Variants in SAP18 observed in about 807,000 individuals in gnomAD.
SAP18 encodes Sin3A associated protein 18.
SAP18 carries 4 observed loss-of-function variants against 18.6 expected under a neutral mutation model. The observed-to-expected ratio is 0.21, with a 90% CI of 0.11 to 0.49. The LOEUF (loss-of-function observed/expected upper bound fraction) is 0.49. SAP18 is among the 20% of genes least tolerant of loss of function. The probability of loss-of-function intolerance (pLI) is 0.98; values close to 1 mark genes in which losing one functional copy is unlikely to be tolerated. For missense variants in SAP18, 170 were observed against 226.4 expected, an observed-to-expected ratio of 0.75 and a Z score of 1.60; for synonymous variants, 112 against 82.8, an observed-to-expected ratio of 1.35 and a Z score of -1.92.
At chr13:21,146,603 C>A in intron 2 of SAP18, 1 of 372,736 alleles carries the variant, frequency 2.7e-6, no homozygotes, top group South Asian at 4.8e-5. Context: ...TTGAAATTTC[C>A]AGCAGTAAGG....
exon 1 of SAP18, chr13:21,140,548 T>G: frequency 6.3e-7 from 1 of 1,583,134 alleles, no homozygotes; most frequent in Non-Finnish European, 8.6e-7. Context: ...AGAGACTTAG[T>G]GCTCATGCTC....
chr13:21,140,933 C>T, exon 2 of SAP18: 3 of 1,614,026 alleles, frequency 1.9e-6, no homozygotes, highest in East Asian at 2.2e-5. Flanking sequence ...ACGGCCGCCA[C>T]CACCGAATGG....
rs751601385 is a variant in SAP18 at position 21,140,544 on chromosome 13, T to C, written c.-9T>C. On this transcript the variant is annotated 5_prime_UTR_variant, in exon 1 of 4. Coordinates refer to ENST00000621421, the Ensembl canonical transcript of SAP18. ...TGTCGAGCTTCTCCTCGCGAGAGAC[T>C]TAGTGCTCATGCTCGCTGCAGGGGT... 5 of 1,580,252 alleles carry C rather than the reference T, an allele frequency of 3.2e-6. No individual in the cohort carries two copies. In the Admixed American group the frequency reaches 9.2e-5, roughly 29 times the overall value.
At chr13:21,140,509 G>A (rs1869409139), upstream of SAP18, 1 of 1,541,696 alleles carries the variant, frequency 6.5e-7, no homozygotes, top group African/African-American at 1.4e-5. Context: ...GCCCCTGGCC[G>A]ACTATAAAGT....
intron 2 of SAP18, chr13:21,141,243 T>A (rs1196522462): frequency 1.6e-5 from 9 of 546,190 alleles, no homozygotes. Context: ...CCAAGATTGC[T>A]GTCACTGTTA....
intron 2 of SAP18, among the ~76,000 whole-genome samples, chr13:21,144,431 A>AAAAAG (rs1565986452): frequency 2.1e-4 from 28 of 130,618 alleles, no homozygotes; most frequent in Admixed American, 3.2e-4. Flanking sequence ...AAAAAAAAAA[A>AAAAAG]GCTTTATTGC....
chr13:21,147,446 CA>C, exon 4 of SAP18: 2 of 1,028,362 alleles, frequency 1.9e-6, no homozygotes, highest in Non-Finnish European at 2.9e-6. Flanking sequence ...AAATTCTAAA[CA>C]AATTATAATG....
exon 4 of SAP18, chr13:21,148,235 A>T (rs986656659): frequency 3.3e-5 from 5 of 152,210 alleles, no homozygotes; most frequent in African/African-American, 1.2e-4. Context: ...AAATTATTTC[A>T]ATCTTTATTT....
chr13:21,147,771 A>T (rs1042998013), exon 4 of SAP18: 2 of 154,156 alleles, frequency 1.3e-5, no homozygotes, highest in Admixed American at 1.3e-4. Flanking sequence ...GACACGTGAG[A>T]GTGAGCTCAA....
chr13:21,144,579 T>C (rs1294420588), intron 2 of SAP18, among the ~76,000 whole-genome samples: 1 of 152,118 alleles, frequency 6.6e-6, no homozygotes, highest in African/African-American at 2.4e-5. Flanking sequence ...TTATATAGGA[T>C]AGACCTCTGA....
upstream of SAP18, chr13:21,140,462 C>G: frequency 7.1e-7 from 1 of 1,412,780 alleles, no homozygotes; most frequent in Non-Finnish European, 9.5e-7. Flanking sequence ...GCTCACCACG[C>G]ACGGAAGTGC....
intron 2 of SAP18, among the ~76,000 whole-genome samples, chr13:21,145,601 G>A (rs963890237): frequency 2.0e-5 from 3 of 152,114 alleles, no homozygotes. Context: ...CCGCCTCCCA[G>A]GTCAAGCGAT....
exon 4 of SAP18, chr13:21,147,337 T>C (rs1812336991): frequency 2.5e-6 from 4 of 1,599,736 alleles, no homozygotes; most frequent in Admixed American, 1.8e-5. Flanking sequence ...CATGAGACCA[T>C]ATTAAATTCT....
chr13:21,140,723 G>A (rs1565985455), intron 1 of SAP18, 42 bp downstream of exon 1: 1 of 1,600,934 alleles, frequency 6.2e-7, no homozygotes, highest in Non-Finnish European at 8.5e-7. Context: ...AGAGGTTGGG[G>A]ATGAGTCCCG....
At position 21,140,528 on chromosome 13, in the gene SAP18, TCTC is replaced by T. The variant is rs759431578; in HGVS notation, c.-21_-19del. 102 of 1,562,414 alleles carry T rather than the reference TCTC, an allele frequency of 6.5e-5. 1 individual carries two copies. The South Asian group carries it at 6.6e-4, about 10-fold the overall frequency. On this transcript the variant is annotated 5_prime_UTR_variant, in exon 1 of 4. Coordinates refer to ENST00000621421, the Ensembl canonical transcript of SAP18. ...CTGGCCGACTATAAAGTGTCGAGCT[TCTC>T]CTCGCGAGAGACTTAGTGCTCATGC...
chr13:21,144,815 TAG>T (rs1034719763), intron 2 of SAP18, among the ~76,000 whole-genome samples: 21 of 152,212 alleles, frequency 1.4e-4, no homozygotes, highest in African/African-American at 4.3e-4. Flanking sequence ...GAAGCTTGTG[TAG>T]GTTTCACACT....
chr13:21,141,890 C>T (rs1869480945), intron 2 of SAP18, among the ~76,000 whole-genome samples: 1 of 151,402 alleles, frequency 6.6e-6, no homozygotes, highest in African/African-American at 2.4e-5. Flanking sequence ...TGGTCTCGAA[C>T]TCTTGACCTC....
chr13:21,140,460 C>T, upstream of SAP18: 1 of 1,406,110 alleles, frequency 7.1e-7, no homozygotes, highest in Non-Finnish European at 9.5e-7. Context: ...TCGCTCACCA[C>T]GCACGGAAGT....
intron 2 of SAP18, among the ~76,000 whole-genome samples, chr13:21,143,293 T>C (rs531909955): frequency 3.9e-5 from 6 of 152,358 alleles, no homozygotes; most frequent in Admixed American, 1.3e-4. Flanking sequence ...ACCAAACTTT[T>C]TCACAGCAGC....
Sources: gnomAD v4.1 joint callset for allele counts (sites outside exome capture counted in the v4.1 genomes callset) on GRCh38, gnomAD v4.1.1 for gene constraint, MANE v1.5 for transcripts, NCBI Gene and HGNC (gene_info 2026-07-23, HGNC 2026-07-21) for gene names.